The following PPFIBP2 variants were observed in gnomAD, a reference collection of about 807,000 sequenced individuals.
The protein encoded by PPFIBP2 is PPFIB scaffold protein 2.
Under a neutral mutation model 118.3 loss-of-function variants are expected in PPFIBP2, and 118 were observed. The observed-to-expected ratio is 1.00, with a 90% CI of 0.86 to 1.16. PPFIBP2 has a LOEUF of 1.16. Ranked by LOEUF, PPFIBP2 falls within the 50% of genes most tolerant of loss-of-function variation. PPFIBP2 has a pLI of 0.00. For synonymous variants in PPFIBP2, 414 were observed against 397.4 expected (o/e 1.04, Z -0.50); for missense variants, 1,195 against 1,073.1 (o/e 1.11, Z -1.59).
chr11:7,611,706 G>T (rs1232222314), intron 6 of PPFIBP2, among the ~76,000 whole-genome samples: 2 of 152,152 alleles, frequency 1.3e-5, no homozygotes, highest in Non-Finnish European at 2.9e-5. Context: ...AATTTCTTTG[G>T]TTATTCTGAG....
intron 3 of PPFIBP2, among the ~76,000 whole-genome samples, chr11:7,568,169 A>G (rs953602639): frequency 3.9e-5 from 6 of 152,326 alleles, no homozygotes; most frequent in East Asian, 3.9e-4. Context: ...CGTGACACCT[A>G]TATCAGTTGG....
At chr11:7,597,480 C>T (rs552616055) in intron 4 of PPFIBP2, 80 bp from the exon 5 acceptor site, 106 of 1,528,402 alleles carry the variant, frequency 6.9e-5, no homozygotes, top group South Asian at 2.8e-4. Flanking sequence ...TGAGATTTAA[C>T]GGCTCCCCTG....
At chr11:7,620,817 C>A in intron 6 of PPFIBP2, 118 bp from the exon 7 acceptor site, 1 of 723,278 alleles carries the variant, frequency 1.4e-6, no homozygotes, top group East Asian at 2.5e-5. Flanking sequence ...AAGATTAAAG[C>A]TGTTATGTGG....
intron 3 of PPFIBP2, among the ~76,000 whole-genome samples, chr11:7,584,860 CT>C (rs1387111719): frequency 6.6e-6 from 1 of 152,192 alleles, no homozygotes; most frequent in African/African-American, 2.4e-5. Flanking sequence ...GATATCTCCC[CT>C]GATGCCCTGT....
downstream of PPFIBP2, chr11:7,655,603 A>G: frequency 1.1e-6 from 1 of 951,160 alleles, no homozygotes; most frequent in Non-Finnish European, 1.5e-6. Context: ...ACGGCGAAGA[A>G]TGGTGCTTAG....
At position 7,533,227 on chromosome 11, in the gene PPFIBP2, C is replaced by A. The variant is rs80141688; in HGVS notation, c.-36-16213C>A. 5.6e-3 allele frequency among the ~76,000 whole-genome samples: 847 copies of A among 152,278 alleles called. 12 individuals are homozygous for A. Among genetic ancestry groups the A allele is most frequent in the African/African-American group, 0.019 (807 of 41,566 alleles). ...TCCCCTTATGGTAGAGACGCTTTCA[C>A]CTCTGAATATCTGGCTGTAAGAGAG... On this transcript the variant is annotated intron_variant, in intron 1 of 23. Transcript: ENST00000299492.
At chr11:7,580,512 G>A (rs553561525) in intron 3 of PPFIBP2, among the ~76,000 whole-genome samples, 2 of 152,340 alleles carry the variant, frequency 1.3e-5, no homozygotes, top group South Asian at 4.1e-4. Context: ...GCAAAGGGGA[G>A]ATACTTATGT....
In PPFIBP2 at chr11:7,579,032, A is replaced by G. The variant is rs956403260; in HGVS notation, c.279+13265A>G. 4.7e-4 allele frequency among the ~76,000 whole-genome samples: 70 copies of G among 150,250 alleles called. 1 individual carries two copies. The highest frequency in any genetic ancestry group is 1.7e-3 in the African/African-American group (70 of 40,520). On this transcript the variant is annotated intron_variant, in intron 3 of 23. Transcript: ENST00000299492. ...GGGGGACTTGTAGCAGGGAAGTGACATGGGATACATTGGGGGGGGTCTAGT... is the reference window on the plus strand; with the variant it reads ...GGGGGACTTGTAGCAGGGAAGTGACGTGGGATACATTGGGGGGGGTCTAGT...
chr11:7,608,280 CTGTT>C (rs1203421906), intron 5 of PPFIBP2, among the ~76,000 whole-genome samples: 4 of 152,208 alleles, frequency 2.6e-5, no homozygotes, highest in Admixed American at 1.3e-4. Context: ...ACTTCTTTCT[CTGTT>C]TGGGAAACTG....
intron 9 of PPFIBP2, 41 bp from the exon 10 acceptor site, chr11:7,629,418 C>T: frequency 6.3e-7 from 1 of 1,577,212 alleles, no homozygotes; most frequent in Non-Finnish European, 8.7e-7. Context: ...TCTGAGATGC[C>T]AGCATAGCAT....
intron 6 of PPFIBP2, among the ~76,000 whole-genome samples, chr11:7,610,978 A>G (rs76160725): frequency 0.015 from 2,237 of 152,120 alleles, 31 homozygotes; most frequent in Non-Finnish European, 0.024. Flanking sequence ...AACATGCCAG[A>G]CTCTTTTTTA....
chr11:7,651,207 T>TTCTA, intron 22 of PPFIBP2: 1 of 411,722 alleles, frequency 2.4e-6, no homozygotes, highest in Non-Finnish European at 4.4e-6. Flanking sequence ...TCTAGGTCGA[T>TTCTA]GGGTTGCATG....
At chr11:7,556,223 A>G (rs1590223564) in intron 2 of PPFIBP2, among the ~76,000 whole-genome samples, 1 of 152,330 alleles carries the variant, frequency 6.6e-6, no homozygotes, top group African/African-American at 2.4e-5. Context: ...TGGGAGGCCG[A>G]GGCGGGCGAA....
In PPFIBP2 at chr11:7,616,506, G is replaced by A. The variant is rs1194374259; in HGVS notation, c.619-4429G>A. ...ATCGGTTTGGCCGGGAATGTGTCGT[G>A]TGGTAGACCAGGTAAATCCACATTT... On this transcript the variant is annotated intron_variant, in intron 6 of 23. Coordinates refer to ENST00000299492, the MANE Select transcript of PPFIBP2 (RefSeq NM_003621.5). The surrounding 1 kb of genome is among the most constrained non-coding windows in gnomAD (Gnocchi z 5.2). 6.6e-6 allele frequency among the ~76,000 whole-genome samples: 1 copy of A among 152,236 alleles called. No homozygotes were observed. The highest frequency in any genetic ancestry group is 1.5e-5 in the Non-Finnish European group (1 of 68,048).
chr11:7,659,275 T>C (rs1200260509), downstream of PPFIBP2, among the ~76,000 whole-genome samples: 9 of 150,516 alleles, frequency 6.0e-5, no homozygotes, highest in South Asian at 2.1e-4. Context: ...TTTATGGTTT[T>C]AGGTCTAACC....
intron 1 of PPFIBP2, among the ~76,000 whole-genome samples, chr11:7,542,997 A>G (rs565147514): frequency 1.1e-3 from 161 of 152,356 alleles, no homozygotes; most frequent in African/African-American, 3.7e-3. Flanking sequence ...AGCAGAGCCC[A>G]TGTTTTCACT....
At chr11:7,534,682 TACCACAGGTCAGAC>T (rs1048778868) in intron 1 of PPFIBP2, among the ~76,000 whole-genome samples, 70 of 152,298 alleles carry the variant, frequency 4.6e-4, no homozygotes, top group Middle Eastern at 3.4e-3. Context: ...AGGTAAGGAC[TACCACAGGTCAGAC>T]ACCCTTATCC....
intron 6 of PPFIBP2, among the ~76,000 whole-genome samples, chr11:7,611,227 A>G (rs1025199069): frequency 1.3e-5 from 2 of 152,226 alleles, no homozygotes; most frequent in African/African-American, 4.8e-5. Context: ...CTGAACTTCA[A>G]TTTCTTTATC....
At chr11:7,547,555 C>T (rs1307947327) in intron 1 of PPFIBP2, among the ~76,000 whole-genome samples, 4 of 152,170 alleles carry the variant, frequency 2.6e-5, no homozygotes, top group African/African-American at 9.7e-5. Context: ...CCCCTTTTCC[C>T]TGCTACCTCT....
Sources: allele counts gnomAD v4.1 joint callset (sites outside exome capture counted in the v4.1 genomes callset), GRCh38; gene constraint gnomAD v4.1.1; non-coding constraint Gnocchi (gnomAD v3.1); transcripts MANE v1.5; gene names NCBI Gene and HGNC (gene_info 2026-07-23, HGNC 2026-07-21).